SGSM3: variants seen among roughly 807,000 people sequenced by gnomAD.
The protein encoded by SGSM3 is RUN and SH3 containing 3.
Under a neutral mutation model 100.5 loss-of-function variants are expected in SGSM3, and 96 were observed. The observed-to-expected ratio is 0.96, with a 90% CI of 0.81 to 1.13. The LOEUF (loss-of-function observed/expected upper bound fraction) is 1.13, where lower values mean the gene tolerates loss of function less well. SGSM3 is among the 50% of genes most tolerant of loss of function. SGSM3 has a pLI of 0.00. For missense variants in SGSM3, 1,001 were observed against 1,015.8 expected (o/e 0.99, Z 0.20); for synonymous variants, 483 against 422.8 (o/e 1.14, Z -1.75).
Position 40,407,885 on chromosome 22 carries a change from G to T in SGSM3, c.1579+42G>T. 5.7e-6 allele frequency: 9 copies of T among 1,575,190 alleles called. No individual in the cohort carries two copies. Among genetic ancestry groups the T allele is most frequent in the South Asian group, 1.1e-5 (1 of 87,298 alleles). ...GCTCTTGAGCTGGGAGAGGGAGGAG[G>T]GGGTGGGCACAGAAGACTTGGGTGA... On this transcript the variant is annotated intron_variant, in intron 14 of 21. Coordinates refer to ENST00000248929, the MANE Select transcript of SGSM3 (RefSeq NM_015705.6). The surrounding 1 kb of genome is among the most constrained non-coding windows in gnomAD (Gnocchi z 4.7).
chr22:40,405,916 AGGGCACAGCCCCCCAACCAT>A, intron 8 of SGSM3, 72 bp downstream of exon 8: 1 of 1,504,644 alleles, frequency 6.6e-7, no homozygotes, highest in Non-Finnish European at 9.0e-7. Flanking sequence ...GAGTGGGGAT[AGGGCACAGCCCCCCAACCAT>A]GGTCTTTGTC....
At chr22:40,380,729 A>T (rs1286451143) in intron 1 of SGSM3, among the ~76,000 whole-genome samples, 2 of 152,124 alleles carry the variant, frequency 1.3e-5, no homozygotes, top group African/African-American at 4.8e-5. Context: ...TGAGCCCAGG[A>T]ATTTAAGACC....
chr22:40,408,360 G>A lies in SGSM3; in HGVS notation c.1713G>A (p.Leu571=). The change falls in exon 16 of 22, where the codon CTG becomes CTA. Residue 571 remains leucine, a synonymous_variant. Coordinates refer to ENST00000248929, the MANE Select transcript of SGSM3 (RefSeq NM_015705.6). ...CCCTCTGCCCGGCCCTTAAGGCCCT[G>A]TTCGAACATGGACTGAAGAAGCCAT... ...RGTLCPALKA[L]FEHGLKKPSL... is the part of the protein sequence containing the mutation. 1 of 1,613,624 alleles carries A rather than the reference G, an allele frequency of 6.2e-7. No individual in the cohort carries two copies. The highest frequency in any genetic ancestry group is 8.5e-7 in the Non-Finnish European group (1 of 1,180,022).
intron 1 of SGSM3, among the ~76,000 whole-genome samples, chr22:40,386,562 CTTTTT>C (rs60319316): frequency 6.9e-4 from 47 of 68,370 alleles, no homozygotes; most frequent in African/African-American, 1.7e-3. Context: ...AATTTTCTTA[CTTTTT>C]TTTTTTTTTT....
chr22:40,371,003 G>T (rs902317789), intron 1 of SGSM3, among the ~76,000 whole-genome samples: 1 of 152,234 alleles, frequency 6.6e-6, no homozygotes, highest in African/African-American at 2.4e-5. Context: ...AGCCGGGAGC[G>T]GTTTTACGAA....
At chr22:40,383,454 G>A (rs370754399) in intron 1 of SGSM3, among the ~76,000 whole-genome samples, 1 of 145,790 alleles carries the variant, frequency 6.9e-6, no homozygotes, top group Non-Finnish European at 1.5e-5. Context: ...GCGACAGAGC[G>A]AGACTCTGTC....
At chr22:40,408,894 TGGGGGAGCCTGA>T in intron 18 of SGSM3, 27 bp from the exon 19 acceptor site, 1 of 1,613,826 alleles carries the variant, frequency 6.2e-7, no homozygotes, top group Non-Finnish European at 8.5e-7. Context: ...GGTTAGCCTG[TGGGGGAGCCTGA>T]GTGACAGCTG....
intron 1 of SGSM3, among the ~76,000 whole-genome samples, chr22:40,374,883 TCAAA>T (rs1019211132): frequency 2.0e-5 from 3 of 152,166 alleles, no homozygotes; most frequent in African/African-American, 7.2e-5. Flanking sequence ...AGACCTTGCC[TCAAA>T]CAAACACATT....
rs372608230 is a variant in SGSM3, at chr22:40,397,737, C to T, written c.-111-2959C>T. Among the ~76,000 whole-genome samples the T allele has an allele frequency of 2.6e-5, 4 of 152,302 alleles. No individual in the cohort carries two copies. The South Asian group carries it at 6.2e-4, about 24-fold the overall frequency. On this transcript the variant is annotated intron_variant, in intron 1 of 21. Coordinates refer to ENST00000248929, the MANE Select transcript of SGSM3 (RefSeq NM_015705.6). ...CAGCTGTTTCAGCATGCCCAGTGTGCTCCCAACTTGGGGCTGCTTCTCCCT... is the reference window on the plus strand; with the variant it reads ...CAGCTGTTTCAGCATGCCCAGTGTGTTCCCAACTTGGGGCTGCTTCTCCCT...
At chr22:40,404,043 G>A (rs1369582263) in intron 4 of SGSM3, 2 of 423,228 alleles carry the variant, frequency 4.7e-6, no homozygotes, top group Non-Finnish European at 8.3e-6. Flanking sequence ...AGGAGAAGGT[G>A]AAGAGCTTTG....
At chr22:40,399,840 G>T (rs926791882) in intron 1 of SGSM3, among the ~76,000 whole-genome samples, 1 of 152,182 alleles carries the variant, frequency 6.6e-6, no homozygotes, top group Non-Finnish European at 1.5e-5. Flanking sequence ...CTCCCATTTG[G>T]GTACCAAAGC....
At chr22:40,370,740 C>T (rs950471926) in intron 1 of SGSM3, 52 bp downstream of exon 1, 1 of 152,618 alleles carries the variant, frequency 6.6e-6, no homozygotes, top group African/African-American at 2.4e-5. Context: ...ACAAGTTCCC[C>T]TCAGGCGGGG....
chr22:40,393,764 T>C (rs549011820), intron 1 of SGSM3, among the ~76,000 whole-genome samples: 1 of 152,330 alleles, frequency 6.6e-6, no homozygotes, highest in South Asian at 2.1e-4. Flanking sequence ...CATCCTAATA[T>C]GGCAGAAGGG....
chr22:40,407,309 A>G lies in SGSM3; in HGVS notation c.1349A>G (p.Asp450Gly), dbSNP rs2051718275. The change falls in exon 12 of 22, where the codon GAC becomes GGC. Residue 450 changes from aspartate (D) to glycine (G), a missense_variant. Transcript: ENST00000248929. The surrounding 1 kb of genome is among the most constrained non-coding windows in gnomAD (Gnocchi z 4.7). ...GTGGCACGCCACTTCCAGTGCACAG[A>G]CCCCAAAAACTGCAGCGTGGTGAGT... ...LRVARHFQCT[D>G]PKNCSVELTP... is the part of the protein sequence containing the mutation. 1.5e-5 allele frequency: 24 copies of G among 1,613,438 alleles called. No individual in the cohort carries two copies. The highest frequency in any genetic ancestry group is 2.0e-5 in the Non-Finnish European group (24 of 1,180,000).
intron 1 of SGSM3, among the ~76,000 whole-genome samples, chr22:40,392,593 C>T (rs1391194345): frequency 6.6e-6 from 1 of 152,148 alleles, no homozygotes; most frequent in Non-Finnish European, 1.5e-5. Context: ...GTTCTCAGTA[C>T]TCAGCTTCAC....
At chr22:40,404,058 T>C in intron 4 of SGSM3, 189 bp from the exon 5 acceptor site, 1 of 446,700 alleles carries the variant, frequency 2.2e-6, no homozygotes, top group Admixed American at 4.0e-5. Flanking sequence ...GCTTTGCTCC[T>C]CATGGGGTAC....
Position 40,405,709 on chromosome 22 carries a change from A to G in SGSM3, c.679A>G (p.Ile227Val), listed in dbSNP as rs1206392784. The G allele has an allele frequency of 6.2e-7, 1 of 1,613,800 alleles. No homozygotes were observed. The highest frequency in any genetic ancestry group is 8.5e-7 in the Non-Finnish European group (1 of 1,179,962). Residue 227 changes from isoleucine to valine, a missense_variant, in exon 8 of 22, where the codon ATC (isoleucine) becomes GTC (valine). By Grantham distance (29) the Ile-to-Val change is conservative (BLOSUM62 3). Transcript: ENST00000248929. ...GGACGCCTTCTGGATGATGTCTGCC[A>G]TCATCGAGGACCTGCTCCCCGCCTC... ...EEDAFWMMSAIIEDLLPASYF... is the reference protein window; with the variant it reads ...EEDAFWMMSAVIEDLLPASYF...
At chr22:40,382,829 G>C (rs546516132) in intron 1 of SGSM3, among the ~76,000 whole-genome samples, 19 of 152,302 alleles carry the variant, frequency 1.2e-4, no homozygotes, top group Admixed American at 4.6e-4. Flanking sequence ...TTATTCTGCA[G>C]GTACCTATTA....
rs2051972291 is a variant in SGSM3, at chr22:40,408,404, G to C, written c.1757G>C (p.Cys586Ser). ...AAGCCATCCCTGCTTGGGGGCGCCTGCCACCCCTGGCTGTTTATCGAGGAG... is the reference window on the plus strand; with the variant it reads ...AAGCCATCCCTGCTTGGGGGCGCCTCCCACCCCTGGCTGTTTATCGAGGAG... ...LKKPSLLGGA[C>S]HPWLFIEEAA... Residue 586 changes from cysteine (C) to serine (S), a missense_variant, in exon 16 of 22, where the codon TGC becomes TCC. Physicochemically the swap from Cys to Ser is moderately radical, Grantham distance 112. Transcript: ENST00000248929. 1 of 1,613,454 alleles carries C rather than the reference G, an allele frequency of 6.2e-7. No individual in the cohort carries two copies. The highest frequency in any genetic ancestry group is 1.1e-5 in the South Asian group (1 of 91,082).
Sources: gnomAD v4.1 joint callset for allele counts (sites outside exome capture counted in the v4.1 genomes callset) on GRCh38, gnomAD v4.1.1 for gene constraint, Gnocchi (gnomAD v3.1) non-coding constraint, MANE v1.5 for transcripts, NCBI Gene and HGNC (gene_info 2026-07-23, HGNC 2026-07-21) for gene names.